IL1RAPL2: variants seen among roughly 807,000 people sequenced by gnomAD.
The protein encoded by IL1RAPL2 is X-linked interleukin-1 receptor accessory protein-like 2.
A neutral mutation model predicts 44.1 loss-of-function variants in IL1RAPL2; 3 were observed. The observed-to-expected ratio is 0.07, with a 90% CI of 0.03 to 0.18. The LOEUF is 0.18. IL1RAPL2 is among the 10% of genes least tolerant of loss of function. The pLI is 1.00. For missense variants in IL1RAPL2, 391 were observed against 496.4 expected, an observed-to-expected ratio of 0.79 and a Z score of 2.02; for synonymous variants, 181 against 178.8, an observed-to-expected ratio of 1.01 and a Z score of -0.10.
intron 2 of IL1RAPL2, among the ~76,000 whole-genome samples, chrX:105,066,009 A>C (rs2032133309): frequency 9.0e-6 from 1 of 111,716 alleles, no homozygotes; most frequent in African/African-American, 3.3e-5. Context: ...AGGTTGGAAT[A>C]AGCTGAACAC....
intron 2 of IL1RAPL2, among the ~76,000 whole-genome samples, chrX:104,669,442 C>G (rs1291053026): frequency 9.0e-6 from 1 of 111,252 alleles, no homozygotes; most frequent in East Asian, 2.8e-4. Flanking sequence ...TTTTCTCCAG[C>G]ATTTTCTCCT....
intron 2 of IL1RAPL2, among the ~76,000 whole-genome samples, chrX:104,882,749 A>C (rs1227010651): frequency 9.0e-6 from 1 of 111,582 alleles, no homozygotes; most frequent in Non-Finnish European, 1.9e-5. Context: ...CATGCTGTAG[A>C]AGCTTTGTTC....
At chrX:105,064,183 A>T (rs2032108744) in intron 2 of IL1RAPL2, among the ~76,000 whole-genome samples, 1 of 112,153 alleles carries the variant, frequency 8.9e-6, no homozygotes, top group African/African-American at 3.2e-5. Context: ...TTGGGAACCA[A>T]GGAGTGGAGT....
At chrX:104,671,589 G>GT (rs1930605249) in intron 2 of IL1RAPL2, among the ~76,000 whole-genome samples, 1 of 111,713 alleles carries the variant, frequency 9.0e-6, no homozygotes, top group Non-Finnish European at 1.9e-5. Context: ...TTGTGATTTA[G>GT]TTATTTGTAC....
intron 2 of IL1RAPL2, among the ~76,000 whole-genome samples, chrX:104,832,478 GA>G (rs201964137): frequency 5.5e-5 from 6 of 109,699 alleles, no homozygotes; most frequent in Non-Finnish European, 1.1e-4. Context: ...AAGGAAGATT[GA>G]AAAAAAATGG....
chrX:104,702,309 T>C (rs1931289613), intron 2 of IL1RAPL2, among the ~76,000 whole-genome samples: 1 of 112,031 alleles, frequency 8.9e-6, no homozygotes, highest in Non-Finnish European at 1.9e-5. Flanking sequence ...TAAATAATGT[T>C]GACTGACTGC....
chrX:105,379,972 G>T (rs1369932895), intron 5 of IL1RAPL2, among the ~76,000 whole-genome samples: 1 of 111,311 alleles, frequency 9.0e-6, no homozygotes, highest in Non-Finnish European at 1.9e-5. Flanking sequence ...TATCCCTGGG[G>T]GGCATCTGTG....
At chrX:104,873,622 G>A (rs868614203) in intron 2 of IL1RAPL2, among the ~76,000 whole-genome samples, 5 of 110,918 alleles carry the variant, frequency 4.5e-5, no homozygotes, top group East Asian at 5.7e-4. Context: ...AGAGCAAGGC[G>A]GTAAATCACT....
At chrX:104,626,240 A>G (rs1204152859) in intron 1 of IL1RAPL2, among the ~76,000 whole-genome samples, 1 of 110,027 alleles carries the variant, frequency 9.1e-6, no homozygotes, top group African/African-American at 3.3e-5. Context: ...AAGTATATAT[A>G]TTGATTCTCA....
intron 5 of IL1RAPL2, among the ~76,000 whole-genome samples, chrX:105,394,953 C>T (rs1173064888): frequency 9.0e-6 from 1 of 111,511 alleles, no homozygotes; most frequent in African/African-American, 3.3e-5. Flanking sequence ...CTCAACTCTC[C>T]TTCCTCTGGT....
At chrX:105,008,064 T>C (rs1025369246) in intron 2 of IL1RAPL2, among the ~76,000 whole-genome samples, 15 of 113,293 alleles carry the variant, frequency 1.3e-4, no homozygotes, top group African/African-American at 4.2e-4. Context: ...ACAGATTGAG[T>C]AACTTATAAA....
At chrX:105,550,613 G>T (rs183216206) in intron 6 of IL1RAPL2, among the ~76,000 whole-genome samples, 289 of 111,759 alleles carry the variant, frequency 2.6e-3, no homozygotes, top group African/African-American at 8.9e-3. Context: ...AATAGCTGAT[G>T]CCTCTAGTAC....
At chrX:105,281,394 C>A (rs111540540) in intron 5 of IL1RAPL2, among the ~76,000 whole-genome samples, 9 of 111,623 alleles carry the variant, frequency 8.1e-5, no homozygotes, top group African/African-American at 2.9e-4. Context: ...GCCCGTTCTG[C>A]ACATGTACCC....
At chrX:104,896,255 A>G (rs762379454) in intron 2 of IL1RAPL2, among the ~76,000 whole-genome samples, 4 of 111,637 alleles carry the variant, frequency 3.6e-5, no homozygotes, top group Non-Finnish European at 7.5e-5. Flanking sequence ...TTCCTCTAGA[A>G]TTGAGGCCGT....
At chrX:105,001,301 A>G (rs1049985463) in intron 2 of IL1RAPL2, among the ~76,000 whole-genome samples, 3 of 111,292 alleles carry the variant, frequency 2.7e-5, no homozygotes, top group African/African-American at 9.8e-5. Context: ...TGCCTCTGCT[A>G]TGATTTGCAC....
intron 1 of IL1RAPL2, among the ~76,000 whole-genome samples, chrX:104,630,691 A>G (rs1213084747): frequency 9.0e-6 from 1 of 111,579 alleles, no homozygotes; most frequent in Non-Finnish European, 1.9e-5. Context: ...TTCAGTAAAA[A>G]TGACATTGGT....
intron 2 of IL1RAPL2, among the ~76,000 whole-genome samples, chrX:105,117,900 C>A (rs1300840147): frequency 8.9e-6 from 1 of 112,034 alleles, no homozygotes; most frequent in African/African-American, 3.3e-5. Context: ...ACTGTATAAA[C>A]AAGCCAGAGC....
At chrX:104,944,835 C>T (rs945606012) in intron 2 of IL1RAPL2, among the ~76,000 whole-genome samples, 2 of 111,365 alleles carry the variant, frequency 1.8e-5, no homozygotes, top group African/African-American at 6.5e-5. Flanking sequence ...GTGTGCTGGA[C>T]GAAGCACAGG....
At position 105,602,493 on chromosome X, in the gene IL1RAPL2, A is replaced by G. The variant is rs930506585; in HGVS notation, c.773-114874A>G. Among the ~76,000 whole-genome samples the G allele has an allele frequency of 2.7e-5, 3 of 111,297 alleles. No individual in the cohort carries two copies. In the Admixed American group the frequency reaches 2.9e-4, roughly 11 times the overall value. On this transcript the variant is annotated intron_variant, in intron 6 of 10. Transcript: ENST00000372582. ...TATGAAAAGTCCAGAAGATGAAGAC[A>G]TGGGGAAAGGCATAAAAAACCCATT... is the stretch of plus-strand genomic sequence containing the variant.
Sources: allele counts gnomAD v4.1 joint callset (sites outside exome capture counted in the v4.1 genomes callset), GRCh38; gene constraint gnomAD v4.1.1; transcripts MANE v1.5; gene names NCBI Gene and HGNC (gene_info 2026-07-23, HGNC 2026-07-21).